Variants in MPZL1 observed in about 807,000 individuals in gnomAD.
MPZL1 encodes myelin protein zero-like protein 1.
A neutral mutation model predicts 29.3 loss-of-function variants in MPZL1; 16 were observed. The ratio of observed to expected loss-of-function variants is 0.55; its 90% CI spans 0.37 to 0.83. The LOEUF is 0.83. MPZL1 is among the 40% of genes least tolerant of loss of function. MPZL1 has a pLI of 0.00. For synonymous variants in MPZL1, 143 were observed against 132.0 expected, an observed-to-expected ratio of 1.08 and a Z score of -0.57; for missense variants, 279 against 332.9, an observed-to-expected ratio of 0.84 and a Z score of 1.26.
Position 167,727,353 on chromosome 1 carries a change from T to C in MPZL1, c.91+5111T>C, listed in dbSNP as rs117019661. ...CTGGAGCCTGACTGTTTTTGAGTTA[T>C]ATCTTTTATCTGAGAATTTGAATTA... On this transcript the variant is annotated intron_variant, in intron 1 of 5. Transcript: ENST00000359523. Among the ~76,000 whole-genome samples, 93 of 152,342 alleles carry C rather than the reference T, an allele frequency of 6.1e-4. No homozygotes were observed. The South Asian group carries it at 7.9e-3, about 13-fold the overall frequency.
intron 1 of MPZL1, among the ~76,000 whole-genome samples, chr1:167,737,485 C>T (rs1349367883): frequency 6.6e-6 from 1 of 152,178 alleles, no homozygotes; most frequent in Non-Finnish European, 1.5e-5. Flanking sequence ...GTCAGTTTAA[C>T]TTACAGTGAA....
chr1:167,749,550 G>C (rs1660714603), intron 1 of MPZL1, among the ~76,000 whole-genome samples: 1 of 152,224 alleles, frequency 6.6e-6, no homozygotes, highest in Non-Finnish European at 1.5e-5. Context: ...AGGAAGCTAA[G>C]ATTAGTATGG....
chr1:167,773,630 T>A (rs1661298612), intron 4 of MPZL1: 1 of 327,522 alleles, frequency 3.1e-6, no homozygotes, highest in Non-Finnish European at 5.6e-6. Context: ...CAGTCTGTGC[T>A]CTGTGTTTCA....
At chr1:167,781,634 T>C (rs999636631) in intron 5 of MPZL1, among the ~76,000 whole-genome samples, 2 of 150,492 alleles carry the variant, frequency 1.3e-5, no homozygotes, top group African/African-American at 2.4e-5. Flanking sequence ...AGCTCTAAAA[T>C]TGATGATCTA....
In MPZL1 at chr1:167,791,828, T is replaced by C. The variant is rs528675950; in HGVS notation, c.*3907T>C. On this transcript the variant is annotated 3_prime_UTR_variant, in exon 6 of 6. Coordinates refer to ENST00000359523, the MANE Select transcript of MPZL1 (RefSeq NM_003953.6). ...TGGTAGGCACAGATGTCTGAGAGCT[T>C]TAACCTCAGTCTGGAAGACAATGTG... 1 of 152,208 alleles carries C rather than the reference T, an allele frequency of 6.6e-6. No individual in the cohort carries two copies. Among genetic ancestry groups the C allele is most frequent in the East Asian group, 1.9e-4 (1 of 5,176 alleles). 9.4% of individuals were successfully genotyped at this position (152,208 alleles called of 1,614,324 possible).
chr1:167,775,549 T>C (rs1179079429), intron 4 of MPZL1, among the ~76,000 whole-genome samples: 1 of 152,190 alleles, frequency 6.6e-6, no homozygotes, highest in Non-Finnish European at 1.5e-5. Flanking sequence ...GTGGTATTGG[T>C]AGGGAATAAA....
At chr1:167,781,091 G>A (rs779981243) in intron 5 of MPZL1, among the ~76,000 whole-genome samples, 5 of 152,072 alleles carry the variant, frequency 3.3e-5, no homozygotes, top group Admixed American at 6.5e-5. Flanking sequence ...TAATAATAGA[G>A]CTTGAAAGTA....
intron 1 of MPZL1, among the ~76,000 whole-genome samples, chr1:167,739,924 T>G (rs1186749858): frequency 1.3e-5 from 2 of 152,148 alleles, no homozygotes; most frequent in Non-Finnish European, 2.9e-5. Flanking sequence ...GCTCATCAAG[T>G]CTTCCCATCC....
intron 3 of MPZL1, 91 bp downstream of exon 3, chr1:167,772,579 G>C (rs1211187150): frequency 1.6e-6 from 2 of 1,233,772 alleles, no homozygotes; most frequent in African/African-American, 1.5e-5. Context: ...TGGTGGGTTT[G>C]GAGGGAGGAT....
intron 2 of MPZL1, among the ~76,000 whole-genome samples, chr1:167,767,544 C>T (rs905339343): frequency 2.6e-5 from 4 of 152,176 alleles, no homozygotes; most frequent in Non-Finnish European, 4.4e-5. Flanking sequence ...TACTTACACA[C>T]GAGTCTGATT....
At chr1:167,777,316 A>T (rs1661391073) in intron 5 of MPZL1, among the ~76,000 whole-genome samples, 1 of 152,200 alleles carries the variant, frequency 6.6e-6, no homozygotes, top group Non-Finnish European at 1.5e-5. Context: ...AACCAGAAAA[A>T]AGAAAAAGAA....
At chr1:167,783,744 C>G (rs1661538446) in intron 5 of MPZL1, among the ~76,000 whole-genome samples, 1 of 152,100 alleles carries the variant, frequency 6.6e-6, no homozygotes, top group South Asian at 2.1e-4. Flanking sequence ...TTTATCCTGT[C>G]CAATTTTTTT....
chr1:167,763,169 G>A (rs935837642), intron 1 of MPZL1, among the ~76,000 whole-genome samples: 12 of 152,078 alleles, frequency 7.9e-5, no homozygotes, highest in African/African-American at 2.7e-4. Flanking sequence ...ATAATGTCTC[G>A]GGATGACAAG....
chr1:167,779,418 C>T (rs967725869), intron 5 of MPZL1, among the ~76,000 whole-genome samples: 1 of 151,916 alleles, frequency 6.6e-6, no homozygotes, highest in Non-Finnish European at 1.5e-5. Flanking sequence ...AACCCCATCT[C>T]TCCTAAAAAT....
In MPZL1 at chr1:167,791,494, T is replaced by C. The variant is rs10753764; in HGVS notation, c.*3573T>C. 120,484 of 152,244 alleles carry C rather than the reference T, an allele frequency of 0.79. 47,794 individuals are homozygous for C. Among genetic ancestry groups the C allele is most frequent in the Admixed American group, 0.83 (12,659 of 15,294 alleles). 9.4% of individuals were successfully genotyped at this position (152,244 alleles called of 1,614,324 possible). On this transcript the variant is annotated 3_prime_UTR_variant, in exon 6 of 6. Coordinates refer to ENST00000359523, the MANE Select transcript of MPZL1 (RefSeq NM_003953.6). ...GTGAGCCAGGCACTTTGCATTTCTT[T>C]CTCTATTATTTCTGTGAGTTAACAG...
chr1:167,727,305 A>G (rs1660168077), intron 1 of MPZL1, among the ~76,000 whole-genome samples: 1 of 152,162 alleles, frequency 6.6e-6, no homozygotes, highest in Non-Finnish European at 1.5e-5. Flanking sequence ...TCATGTCTCT[A>G]CTGGATGATT....
intron 1 of MPZL1, among the ~76,000 whole-genome samples, chr1:167,730,438 C>A (rs1660238702): frequency 6.6e-6 from 1 of 152,088 alleles, no homozygotes; most frequent in African/African-American, 2.4e-5. Flanking sequence ...GCCACCACAC[C>A]TGGCTAATTT....
rs141045106 is a variant in MPZL1, at chr1:167,760,211, T to C, written c.92-5372T>C. Among the ~76,000 whole-genome samples, 253 of 152,188 alleles carry C rather than the reference T, an allele frequency of 1.7e-3. 3 individuals are homozygous for C. Among genetic ancestry groups the C allele is most frequent in the African/African-American group, 6.0e-3 (251 of 41,516 alleles). On this transcript the variant is annotated intron_variant, in intron 1 of 5. Transcript: ENST00000359523. ...ATAGGTTTCTTTTGTTTTGTTTTGT[T>C]TTGTTTTTTGAGACAGAGTCTCGCT...
Position 167,776,139 on chromosome 1 carries a change from A to G in MPZL1, c.681A>G (p.Val227=). 6.2e-7 allele frequency: 1 copy of G among 1,612,704 alleles called. No individual in the cohort carries two copies. The highest frequency in any genetic ancestry group is 8.5e-7 in the Non-Finnish European group (1 of 1,179,190). ...CCCCCTCCGACACTGAGGGTCTTGT[A>G]AAGAGTCTGCCTTCTGGATCTCACC... ...RKSPSDTEGL[V]KSLPSGSHQG... Residue 227 remains valine, a synonymous_variant, in exon 5 of 6, where the codon GTA becomes GTG. Transcript: ENST00000359523.
Sources: allele counts gnomAD v4.1 joint callset (sites outside exome capture counted in the v4.1 genomes callset), GRCh38; gene constraint gnomAD v4.1.1; transcripts MANE v1.5; gene names NCBI Gene and HGNC (gene_info 2026-07-23, HGNC 2026-07-21).